Variants in HERC3 observed in about 807,000 individuals in gnomAD.
The protein encoded by HERC3 is probable E3 ubiquitin-protein ligase HERC3.
HERC3 carries 58 observed loss-of-function variants against 129.9 expected under a neutral mutation model. The ratio of observed to expected loss-of-function variants is 0.45; its 90% CI spans 0.36 to 0.56. The LOEUF is 0.56. Among genes scored for constraint, HERC3 ranks in the 20% least tolerant of loss-of-function variants. HERC3 has a pLI of 0.00. For missense variants in HERC3, 835 were observed against 1,244.2 expected (o/e 0.67, Z 4.95); for synonymous variants, 430 against 451.0 (o/e 0.95, Z 0.59).
intron 3 of HERC3, among the ~76,000 whole-genome samples, chr4:88,635,816 C>G (rs1727319937): frequency 6.6e-6 from 1 of 152,150 alleles, no homozygotes; most frequent in African/African-American, 2.4e-5. Context: ...AGAAACCCTA[C>G]AAGCCAGAAG....
At chr4:88,627,022 T>C (rs1413529170) in intron 3 of HERC3, among the ~76,000 whole-genome samples, 3 of 152,178 alleles carry the variant, frequency 2.0e-5, no homozygotes, top group Non-Finnish European at 2.9e-5. Flanking sequence ...TTCTAACAAG[T>C]ATTTTATGCT....
chr4:88,638,874 A>T (rs1161477136), intron 3 of HERC3, among the ~76,000 whole-genome samples: 1 of 152,212 alleles, frequency 6.6e-6, no homozygotes, highest in African/African-American at 2.4e-5. Context: ...CCTTGAGCCG[A>T]TAAGCAACTT....
chr4:88,629,906 C>G (rs1726549908), intron 3 of HERC3, among the ~76,000 whole-genome samples: 1 of 152,120 alleles, frequency 6.6e-6, no homozygotes, highest in Admixed American at 6.5e-5. Flanking sequence ...ACTATGTCAG[C>G]TTCTCAGTGT....
chr4:88,606,179 G>T (rs1723603178), intron 3 of HERC3, 130 bp downstream of exon 3: 1 of 632,524 alleles, frequency 1.6e-6, no homozygotes, highest in Admixed American at 3.0e-5. Context: ...AACGGTGCAG[G>T]GATTCCTTCC....
intron 13 of HERC3, 99 bp from the exon 14 acceptor site, chr4:88,667,793 A>T (rs1731203122): frequency 3.5e-6 from 3 of 869,178 alleles, no homozygotes; most frequent in Non-Finnish European, 5.5e-6. Context: ...TAGTGAATGA[A>T]TGAGAGTTGA....
Position 88,658,492 on chromosome 4 carries a change from G to T in HERC3, c.1146+1G>T. 6.4e-7 allele frequency: 1 copy of T among 1,561,982 alleles called. No homozygotes were observed. Among genetic ancestry groups the T allele is most frequent in the Non-Finnish European group, 8.8e-7 (1 of 1,137,334 alleles). On this transcript the variant is annotated splice_donor_variant, in intron 10 of 25. Transcript: ENST00000402738. LOFTEE classifies it high-confidence loss of function. ...TTTTGTACTTTGCTCCAAATACGAG[G>T]TAAAATTTTTCTTGTGACTCTTATT...
At chr4:88,666,864 A>G (rs897894606) in intron 12 of HERC3, among the ~76,000 whole-genome samples, 3 of 152,214 alleles carry the variant, frequency 2.0e-5, no homozygotes, top group Non-Finnish European at 4.4e-5. Flanking sequence ...TGCATTTACT[A>G]TAGATCATTT....
chr4:88,635,355 T>C (rs1414357067), intron 3 of HERC3, among the ~76,000 whole-genome samples: 2 of 151,824 alleles, frequency 1.3e-5, no homozygotes, highest in African/African-American at 4.8e-5. Context: ...TCGTGAAGCA[T>C]ACACAAGTAT....
In HERC3 at chr4:88,704,550, G is replaced by A. The variant is rs200032125; in HGVS notation, c.2884G>A (p.Val962Ile). The A allele has an allele frequency of 2.0e-5, 32 of 1,612,694 alleles. No individual in the cohort carries two copies. The highest frequency in any genetic ancestry group is 2.7e-5 in the Non-Finnish European group (32 of 1,178,862). ...AGATTACTCGGCCACACATCCCACT[G>A]TAAAACTATTTTGGGAAACATTTCA... ...KGDYSATHPT[V>I]KLFWETFHEF... The change falls in exon 25 of 26, where the codon GTA (valine) becomes ATA (isoleucine). Residue 962 changes from valine to isoleucine, a missense_variant. Val to Ile is a conservative substitution (Grantham distance 29). Coordinates refer to ENST00000402738, the MANE Select transcript of HERC3 (RefSeq NM_014606.3).
chr4:88,600,167 ATAT>A (rs1347658452), intron 2 of HERC3, among the ~76,000 whole-genome samples: 1 of 152,208 alleles, frequency 6.6e-6, no homozygotes, highest in African/African-American at 2.4e-5. Context: ...GTCATTATTA[ATAT>A]TATCAGTCAG....
chr4:88,579,828 T>C, the HERC3 span, among the ~76,000 whole-genome samples: 2 of 152,206 alleles, frequency 1.3e-5, no homozygotes, highest in African/African-American at 4.8e-5. Flanking sequence ...CCAGGGTCTT[T>C]ACATGAAAGA....
intron 9 of HERC3, 175 bp downstream of exon 9, chr4:88,656,210 T>A (rs890160841): frequency 1.6e-6 from 1 of 630,574 alleles, no homozygotes; most frequent in South Asian, 2.2e-5. Flanking sequence ...AGAGTTGAGA[T>A]CCTAGAGAAT....
intron 2 of HERC3, among the ~76,000 whole-genome samples, chr4:88,598,986 C>T (rs1384408036): frequency 1.3e-5 from 2 of 152,184 alleles, no homozygotes; most frequent in African/African-American, 2.4e-5. Context: ...TATTTTGCAG[C>T]GAATTTCATA....
Position 88,670,204 on chromosome 4 carries a change from G to A in HERC3, c.1863G>A (p.Val621=). 1 of 1,613,538 alleles carries A rather than the reference G, an allele frequency of 6.2e-7. No homozygotes were observed. Among genetic ancestry groups the A allele is most frequent in the South Asian group, 1.1e-5 (1 of 91,050 alleles). The change falls in exon 16 of 26, where the codon GTG becomes GTA. Residue 621 remains valine, a synonymous_variant. Transcript: ENST00000402738. ...ACATTCCTGAGATTTCCAATCTCGTGGACATTCAGGAAGACTACCTCATGT... is the reference window on the plus strand; with the variant it reads ...ACATTCCTGAGATTTCCAATCTCGTAGACATTCAGGAAGACTACCTCATGT... ...TFYIPEISNL[V]DIQEDYLMWF...
chr4:88,630,981 A>G (rs552314863), intron 3 of HERC3, among the ~76,000 whole-genome samples: 28 of 152,302 alleles, frequency 1.8e-4, no homozygotes, highest in African/African-American at 6.5e-4. Context: ...ACAGGGCTCC[A>G]TATGTTATTA....
chr4:88,616,846 G>A (rs1464191256), intron 3 of HERC3, among the ~76,000 whole-genome samples: 1 of 152,106 alleles, frequency 6.6e-6, no homozygotes, highest in Non-Finnish European at 1.5e-5. Context: ...TGCCTCATGT[G>A]TTTCCCATCT....
intron 1 of HERC3, 104 bp from the exon 2 acceptor site, chr4:88,595,453 A>G (rs182410601): frequency 6.6e-6 from 1 of 152,180 alleles, no homozygotes; most frequent in Non-Finnish European, 1.5e-5. Flanking sequence ...TAATTTAAAG[A>G]TATTCTTATT....
intron 2 of HERC3, among the ~76,000 whole-genome samples, chr4:88,605,122 A>G (rs139805518): frequency 3.3e-5 from 5 of 152,354 alleles, no homozygotes; most frequent in Non-Finnish European, 7.3e-5. Context: ...ATAAAGATAT[A>G]AAGAGAAAGC....
the HERC3 span, among the ~76,000 whole-genome samples, chr4:88,548,149 G>A: frequency 6.6e-6 from 1 of 152,072 alleles, no homozygotes; most frequent in Non-Finnish European, 1.5e-5. Context: ...TATGAATAAT[G>A]TTGTTATGAA....
Sources: allele counts gnomAD v4.1 joint callset (sites outside exome capture counted in the v4.1 genomes callset), GRCh38; gene constraint gnomAD v4.1.1; transcripts MANE v1.5; gene names NCBI Gene and HGNC (gene_info 2026-07-23, HGNC 2026-07-21).